CSGALNACT1: variants seen among roughly 807,000 people sequenced by gnomAD.
CSGALNACT1 encodes beta4GalNAcT-1.
Under a neutral mutation model 51.0 loss-of-function variants are expected in CSGALNACT1, and 52 were observed. The ratio of observed to expected loss-of-function variants is 1.02; its 90% confidence interval spans 0.82 to 1.29. The LOEUF (loss-of-function observed/expected upper bound fraction) is 1.29. Among genes scored for constraint, CSGALNACT1 ranks in the 50% most tolerant of loss-of-function variants. The pLI, the probability that CSGALNACT1 is intolerant of heterozygous loss-of-function variation, is 0.00. For missense variants in CSGALNACT1, 935 were observed against 679.2 expected (o/e 1.38, Z -4.19); for synonymous variants, 341 against 254.4 (o/e 1.34, Z -3.24).
rs181344568 is a variant in CSGALNACT1 at position 19,671,369 on chromosome 8, G to A, written c.-544+11104C>T. 7.2e-5 allele frequency among the ~76,000 whole-genome samples: 11 copies of A among 152,264 alleles called. No individual in the cohort carries two copies. In the East Asian group the frequency reaches 7.7e-4, roughly 11 times the overall value. On this transcript the variant is annotated intron_variant, in intron 1 of 9. Coordinates refer to the CSGALNACT1 transcript ENST00000332246. Reference sequence around the variant, plus strand: ...TTAGGTGTACACGACAAATTCACAGGCAACAATGTTGTTTTCAAGCTCCAA... The same window carrying A: ...TTAGGTGTACACGACAAATTCACAGACAACAATGTTGTTTTCAAGCTCCAA...
intron 3 of CSGALNACT1, among the ~76,000 whole-genome samples, chr8:19,513,732 T>C (rs2078946515): frequency 6.6e-6 from 1 of 152,030 alleles, no homozygotes; most frequent in East Asian, 1.9e-4. Context: ...CTATTGCTTC[T>C]AGGCTAACAA....
chr8:19,713,016 T>A (rs1169461053), intron 1 of CSGALNACT1, among the ~76,000 whole-genome samples: 1 of 152,224 alleles, frequency 6.6e-6, no homozygotes, highest in African/African-American at 2.4e-5. Context: ...CAGCCTGGAA[T>A]ATTCTCTCTT....
Position 19,736,526 on chromosome 8 carries a change from A to T in CSGALNACT1, c.-297+21324T>A, listed in dbSNP as rs556632073. Among the ~76,000 whole-genome samples the T allele has an allele frequency of 1.1e-3, 168 of 152,172 alleles. 4 individuals are homozygous for T. In the South Asian group the frequency reaches 0.033, roughly 30 times the overall value. On this transcript the variant is annotated intron_variant, in intron 1 of 1. Coordinates refer to the CSGALNACT1 transcript ENST00000517494. ...ATTAGGTCCCAAAACCAAAAAAAAA[A>T]AAAATAAAACCAGGAATCATCCAAA...
At chr8:19,441,888 C>T (rs1174920268) in intron 5 of CSGALNACT1, among the ~76,000 whole-genome samples, 1 of 151,242 alleles carries the variant, frequency 6.6e-6, no homozygotes, top group African/African-American at 2.4e-5. Context: ...AACAAACAAC[C>T]CCATCAAAAA....
chr8:19,601,531 T>C (rs967424518), intron 2 of CSGALNACT1, among the ~76,000 whole-genome samples: 2 of 152,148 alleles, frequency 1.3e-5, no homozygotes, highest in South Asian at 2.1e-4. Flanking sequence ...CCTTAAAAAG[T>C]TGGGAAAGTT....
intron 3 of CSGALNACT1, among the ~76,000 whole-genome samples, chr8:19,538,584 A>G (rs960773277): frequency 2.6e-5 from 4 of 152,144 alleles, no homozygotes; most frequent in African/African-American, 7.2e-5. Context: ...GAGAAGGAGG[A>G]GGCCTTCAGG....
chr8:19,431,096 T>C (rs1344279331), intron 6 of CSGALNACT1, among the ~76,000 whole-genome samples: 1 of 152,164 alleles, frequency 6.6e-6, no homozygotes, highest in Non-Finnish European at 1.5e-5. Context: ...TAATTTTCTA[T>C]ATAGAAGATT....
At chr8:19,492,402 T>G (rs931980572) in intron 4 of CSGALNACT1, among the ~76,000 whole-genome samples, 2 of 152,256 alleles carry the variant, frequency 1.3e-5, no homozygotes, top group African/African-American at 4.8e-5. Flanking sequence ...AAATTTCATC[T>G]ACCTCTTCAG....
At position 19,656,547 on chromosome 8, in the gene CSGALNACT1, G is replaced by A. The variant is rs148580527; in HGVS notation, c.-544+25926C>T. ...TTACACTTAAAACACACACGTGTACGCGCATGCACACACACACAGTGACCA... is the reference window on the plus strand; with the variant it reads ...TTACACTTAAAACACACACGTGTACACGCATGCACACACACACAGTGACCA... On this transcript the variant is annotated intron_variant, in intron 1 of 9. Transcript: ENST00000332246. 8.1e-3 allele frequency among the ~76,000 whole-genome samples: 1,217 copies of A among 150,564 alleles called. 9 individuals are homozygous for A. The highest frequency in any genetic ancestry group is 0.025 in the African/African-American group (1,013 of 40,752).
upstream of CSGALNACT1, among the ~76,000 whole-genome samples, chr8:19,603,087 C>CACACAG (rs1554755248): frequency 2.5e-5 from 3 of 121,374 alleles, no homozygotes; most frequent in African/African-American, 8.9e-5. Context: ...CACACACACA[C>CACACAG]AGAATTGCTC....
At chr8:19,594,518 A>G (rs2048480267) in intron 2 of CSGALNACT1, among the ~76,000 whole-genome samples, 1 of 152,174 alleles carries the variant, frequency 6.6e-6, no homozygotes, top group African/African-American at 2.4e-5. Context: ...CAAGCTGCCC[A>G]CATGCAATTA....
intron 5 of CSGALNACT1, among the ~76,000 whole-genome samples, chr8:19,454,820 G>GT (rs1430789370): frequency 9.9e-5 from 15 of 151,170 alleles, no homozygotes; most frequent in African/African-American, 3.6e-4. Flanking sequence ...ACCACTTTTT[G>GT]TTTTGCAAAA....
intron 4 of CSGALNACT1, among the ~76,000 whole-genome samples, chr8:19,464,047 G>A (rs544534932): frequency 7.9e-5 from 12 of 152,300 alleles, no homozygotes; most frequent in South Asian, 2.1e-4. Flanking sequence ...ACTGACATGC[G>A]TGCAGACGGG....
intron 4 of CSGALNACT1, among the ~76,000 whole-genome samples, chr8:19,499,690 G>A (rs1311720698): frequency 2.0e-5 from 3 of 152,214 alleles, no homozygotes; most frequent in African/African-American, 7.2e-5. Context: ...ATAATTCCAT[G>A]TTCCTTTTCC....
chr8:19,635,299 T>A (rs1021865106), intron 1 of CSGALNACT1, among the ~76,000 whole-genome samples: 9 of 152,180 alleles, frequency 5.9e-5, no homozygotes, highest in African/African-American at 1.9e-4. Context: ...CAGGGATGTG[T>A]TTGAGCTGCT....
At position 19,557,732 on chromosome 8, in the gene CSGALNACT1, TTTC is replaced by T. The variant is rs377691045; in HGVS notation, c.-297+33425_-297+33427del. On this transcript the variant is annotated intron_variant, in intron 3 of 9. Transcript: ENST00000454498. The stretch of plus-strand genomic sequence containing the variant: ...CTCTGTTTCCTTTCCTTGCTTTATT[TTTC>T]TTCTTGCCACTTCTTCATACCTATC... 2.0e-3 allele frequency among the ~76,000 whole-genome samples: 305 copies of T among 152,292 alleles called. 1 individual carries two copies. Among genetic ancestry groups the T allele is most frequent in the African/African-American group, 7.0e-3 (291 of 41,554 alleles).
intron 6 of CSGALNACT1, among the ~76,000 whole-genome samples, chr8:19,430,043 CTT>C (rs2059412706): frequency 1.3e-5 from 2 of 152,164 alleles, no homozygotes; most frequent in Admixed American, 1.3e-4. Flanking sequence ...ACATCCAAGT[CTT>C]TTGTTCATTT....
At chr8:19,596,124 T>G (rs79456143) in intron 2 of CSGALNACT1, among the ~76,000 whole-genome samples, 3,646 of 152,224 alleles carry the variant, frequency 0.024, 158 homozygotes, top group African/African-American at 0.083. Flanking sequence ...TGCCTTGGCC[T>G]TCCAGAGTGT....
At position 19,505,793 on chromosome 8, in the gene CSGALNACT1, C is replaced by T. The variant is rs112760034; in HGVS notation, c.42G>A (p.Arg14=). 2.4e-5 allele frequency: 39 copies of T among 1,613,632 alleles called. No individual in the cohort carries two copies. Among genetic ancestry groups the T allele is most frequent in the Non-Finnish European group, 6.8e-6 (8 of 1,180,042 alleles). Residue 14 remains arginine, a synonymous_variant, in exon 4 of 10, where the codon CGG becomes CGA. Coordinates refer to ENST00000454498, the Ensembl canonical transcript of CSGALNACT1. ...AGAGGAGCACCAGCAAAACCACCAC[C>T]CGGGAAATCCACGCAAGCAGCCCCC...
Sources: gnomAD v4.1 joint callset for allele counts (sites outside exome capture counted in the v4.1 genomes callset) on GRCh38, gnomAD v4.1.1 for gene constraint, MANE v1.5 for transcripts, NCBI Gene and HGNC (gene_info 2026-07-23, HGNC 2026-07-21) for gene names.